CSGALNACT1: variants seen among roughly 807,000 people sequenced by gnomAD.
The protein encoded by CSGALNACT1 is chondroitin sulfate N-acetylgalactosaminyltransferase 1, also known as beta4GalNAcT-1.
CSGALNACT1 carries 52 observed loss-of-function variants against 51.0 expected under a neutral mutation model. The observed-to-expected ratio is 1.02, with a 90% CI of 0.82 to 1.29. CSGALNACT1 has a LOEUF of 1.29. Among genes scored for constraint, CSGALNACT1 ranks in the 50% most tolerant of loss-of-function variants. CSGALNACT1 has a pLI of 0.00. For synonymous variants in CSGALNACT1, 341 were observed against 254.4 expected, an observed-to-expected ratio of 1.34 and a Z score of -3.24; for missense variants, 935 against 679.2, an observed-to-expected ratio of 1.38 and a Z score of -4.19.
At chr8:19,537,447 T>C (rs1005489089) in intron 3 of CSGALNACT1, among the ~76,000 whole-genome samples, 1 of 152,182 alleles carries the variant, frequency 6.6e-6, no homozygotes, top group African/African-American at 2.4e-5. Context: ...TAAATCTCAA[T>C]TGCTTCTTTC....
chr8:19,418,795 G>C, intron 7 of CSGALNACT1, 45 bp from the exon 7 acceptor site: 1 of 1,355,310 alleles, frequency 7.4e-7, no homozygotes, highest in Non-Finnish European at 1.1e-6. Flanking sequence ...ACAGATCCAA[G>C]TAGTAGGTTT....
chr8:19,727,361 G>C (rs1408618080), intron 1 of CSGALNACT1, among the ~76,000 whole-genome samples: 1 of 136,448 alleles, frequency 7.3e-6, no homozygotes, highest in East Asian at 2.3e-4. Flanking sequence ...GGTTTGGTTT[G>C]GTTTTAGACA....
At chr8:19,651,744 T>A (rs1283970920) in intron 1 of CSGALNACT1, among the ~76,000 whole-genome samples, 2 of 152,214 alleles carry the variant, frequency 1.3e-5, no homozygotes, top group Non-Finnish European at 2.9e-5. Context: ...TGTGCATTTA[T>A]GGTAGAATGA....
chr8:19,407,356 A>T (rs1210420164), intron 9 of CSGALNACT1, among the ~76,000 whole-genome samples: 2 of 152,088 alleles, frequency 1.3e-5, no homozygotes, highest in Non-Finnish European at 2.9e-5. Context: ...AGCCAGCGAG[A>T]CCAGCAGCTC....
rs545393445 is a variant in CSGALNACT1, at chr8:19,644,116, T to A, written c.-544+38357A>T. Among the ~76,000 whole-genome samples, 211 of 152,200 alleles carry A rather than the reference T, an allele frequency of 1.4e-3. 1 individual carries two copies. The highest frequency in any genetic ancestry group is 5.0e-3 in the African/African-American group (206 of 41,554). On this transcript the variant is annotated intron_variant, in intron 1 of 9. Coordinates refer to the CSGALNACT1 transcript ENST00000332246. ...CTAACATTAAAATTATGTTTATGAG[T>A]TTTTAATAGAAAATTTGTGATATAT...
intron 8 of CSGALNACT1, among the ~76,000 whole-genome samples, chr8:19,409,038 G>A (rs1013784229): frequency 1.7e-4 from 26 of 151,730 alleles, no homozygotes; most frequent in African/African-American, 5.3e-4. Context: ...AGCCACCTAC[G>A]TGCCTGGCCC....
At chr8:19,654,791 C>G (rs893234981) in intron 1 of CSGALNACT1, among the ~76,000 whole-genome samples, 2 of 152,142 alleles carry the variant, frequency 1.3e-5, no homozygotes, top group African/African-American at 4.8e-5. Context: ...GCAATCCTCC[C>G]GGCCTTGGTC....
intron 3 of CSGALNACT1, among the ~76,000 whole-genome samples, chr8:19,548,036 T>C (rs559992098): frequency 6.6e-6 from 1 of 152,324 alleles, no homozygotes; most frequent in South Asian, 2.1e-4. Context: ...ACATTAACTC[T>C]GTGAGGTTGA....
At chr8:19,454,789 T>TA (rs5889872) in intron 5 of CSGALNACT1, among the ~76,000 whole-genome samples, 71,806 of 149,472 alleles carry the variant, frequency 0.48, 17,434 homozygotes, top group East Asian at 0.84. Flanking sequence ...CAAAATGTAG[T>TA]AAAAAAAAAA....
chr8:19,429,375 C>G (rs2059305348), intron 6 of CSGALNACT1, among the ~76,000 whole-genome samples: 1 of 152,062 alleles, frequency 6.6e-6, no homozygotes, highest in African/African-American at 2.4e-5. Context: ...TGGGGTTTCA[C>G]CATGTTGGCC....
chr8:19,564,227 C>A (rs2041429906), intron 3 of CSGALNACT1, among the ~76,000 whole-genome samples: 1 of 152,162 alleles, frequency 6.6e-6, no homozygotes, highest in Non-Finnish European at 1.5e-5. Flanking sequence ...GATTTTCAAA[C>A]AAAATCTACG....
At position 19,581,654 on chromosome 8, in the gene CSGALNACT1, A is replaced by T. The variant is rs533233626; in HGVS notation, c.-297+9506T>A. On this transcript the variant is annotated intron_variant, in intron 3 of 9. Transcript: ENST00000454498. Reference sequence around the variant, plus strand: ...AAAAACTGGCACTTACTGTATAAAAATATTTTAATTGAAGTCTGGGCTTCT... The same window carrying T: ...AAAAACTGGCACTTACTGTATAAAATTATTTTAATTGAAGTCTGGGCTTCT... 1.4e-4 allele frequency among the ~76,000 whole-genome samples: 22 copies of T among 152,314 alleles called. No individual in the cohort carries two copies. The East Asian group carries it at 3.5e-3, about 24-fold the overall frequency.
chr8:19,696,290 G>C (rs2061578971), intron 1 of CSGALNACT1, among the ~76,000 whole-genome samples: 1 of 152,156 alleles, frequency 6.6e-6, no homozygotes, highest in African/African-American at 2.4e-5. Context: ...GCATCTTACA[G>C]TAAAGCAAGA....
At chr8:19,494,339 C>T (rs937563743) in intron 4 of CSGALNACT1, among the ~76,000 whole-genome samples, 1 of 152,198 alleles carries the variant, frequency 6.6e-6, no homozygotes, top group African/African-American at 2.4e-5. Flanking sequence ...TACACCAATT[C>T]TACACATCTT....
intron 1 of CSGALNACT1, among the ~76,000 whole-genome samples, chr8:19,659,221 T>C (rs933289263): frequency 1.4e-4 from 21 of 152,370 alleles, no homozygotes; most frequent in African/African-American, 4.8e-4. Flanking sequence ...AGCATTTCTT[T>C]GTCCACCACA....
intron 1 of CSGALNACT1, among the ~76,000 whole-genome samples, chr8:19,667,013 A>AG (rs2059380450): frequency 4.9e-5 from 2 of 40,584 alleles, no homozygotes; most frequent in Non-Finnish European, 9.4e-5. Context: ...GAAAGAAAGA[A>AG]AGAAAGGAAG....
chr8:19,486,436 G>A (rs917099032), intron 4 of CSGALNACT1, among the ~76,000 whole-genome samples: 9 of 152,066 alleles, frequency 5.9e-5, no homozygotes, highest in Non-Finnish European at 1.2e-4. Flanking sequence ...ATCCTCACCC[G>A]GGTCTATGAG....
At chr8:19,521,697 G>T (rs150888360) in intron 3 of CSGALNACT1, among the ~76,000 whole-genome samples, 1 of 152,258 alleles carries the variant, frequency 6.6e-6, no homozygotes, top group African/African-American at 2.4e-5. Context: ...ATAGCGCCAG[G>T]GTTTAACATG....
chr8:19,569,522 A>C (rs1395157190), intron 3 of CSGALNACT1, among the ~76,000 whole-genome samples: 2 of 152,198 alleles, frequency 1.3e-5, no homozygotes, highest in African/African-American at 4.8e-5. Flanking sequence ...AGATGAAAAA[A>C]AAAAATCTAC....
Sources: gnomAD v4.1 joint callset for allele counts (sites outside exome capture counted in the v4.1 genomes callset) on GRCh38, gnomAD v4.1.1 for gene constraint, MANE v1.5 for transcripts, NCBI Gene and HGNC (gene_info 2026-07-23, HGNC 2026-07-21) for gene names.